The following HEATR4 variants were observed in gnomAD, a reference collection of about 807,000 sequenced individuals.
HEATR4 encodes the protein HEAT repeat-containing protein 4.
In HEATR4, 95 loss-of-function variants were observed where a neutral mutation model predicts 108.8. The observed-to-expected ratio is 0.87, with a 90% confidence interval of 0.74 to 1.04. HEATR4 has a LOEUF of 1.04. Among genes scored for constraint, HEATR4 ranks in the 50% least tolerant of loss-of-function variants. The pLI, the probability that HEATR4 is intolerant of heterozygous loss-of-function variation, is 0.00. For synonymous variants in HEATR4, 443 were observed against 459.4 expected (o/e 0.96, Z 0.46); for missense variants, 1,152 against 1,253.8 (o/e 0.92, Z 1.23).
the HEATR4 span, among the ~76,000 whole-genome samples, chr14:73,610,409 G>A: frequency 1.3e-5 from 2 of 150,422 alleles, no homozygotes; most frequent in Non-Finnish European, 3.0e-5. Flanking sequence ...TCCTGCCGCC[G>A]CCTTCTGAAT....
At chr14:73,570,123 T>TC in the HEATR4 span, among the ~76,000 whole-genome samples, 21,024 of 150,214 alleles carry the variant, frequency 0.14, 2,219 homozygotes, top group Non-Finnish European at 0.21. Flanking sequence ...TTTTTTTTTT[T>TC]CCGTCCCTGC....
intron 17 of HEATR4, chr14:73,491,508 C>G: frequency 6.6e-7 from 1 of 1,511,646 alleles, no homozygotes; most frequent in South Asian, 1.2e-5. Flanking sequence ...TCCGGGGCCC[C>G]TGCGACGGCG....
chr14:73,603,851 A>T, the HEATR4 span, among the ~76,000 whole-genome samples: 1 of 151,674 alleles, frequency 6.6e-6, no homozygotes, highest in Non-Finnish European at 1.5e-5. Context: ...CTTCTGCCTC[A>T]GTCTCCTGAG....
At chr14:73,506,620 T>C (rs771353866) in intron 9 of HEATR4, 49 bp from the exon 10 acceptor site, 5 of 1,376,516 alleles carry the variant, frequency 3.6e-6, no homozygotes, top group South Asian at 3.5e-5. Flanking sequence ...CTTTTAGAGA[T>C]ACTAGAACCT....
the HEATR4 span, chr14:73,569,878 C>T: frequency 5.0e-6 from 8 of 1,603,732 alleles, no homozygotes; most frequent in East Asian, 1.6e-4. Context: ...CTCTTCCTGC[C>T]GCCAGGTGAC....
upstream of HEATR4, among the ~76,000 whole-genome samples, chr14:73,561,259 A>T (rs892405535): frequency 1.3e-5 from 2 of 151,860 alleles, no homozygotes; most frequent in African/African-American, 4.8e-5. Context: ...CCAGCTACTC[A>T]GGAGACCGAG....
chr14:73,587,357 CTTTTT>C, the HEATR4 span, among the ~76,000 whole-genome samples: 28,612 of 147,516 alleles, frequency 0.19, 4,855 homozygotes, highest in African/African-American at 0.46. Flanking sequence ...GCAACATCCA[CTTTTT>C]TTTTTTTTGA....
the HEATR4 span, among the ~76,000 whole-genome samples, chr14:73,597,591 CTTTTTTTTT>C: frequency 8.1e-5 from 8 of 98,208 alleles, no homozygotes; most frequent in African/African-American, 2.6e-4. Flanking sequence ...TTTTTCTTTT[CTTTTTTTTT>C]TTTTTTTTTT....
intron 17 of HEATR4, chr14:73,491,758 G>A (rs1490927859): frequency 6.4e-7 from 1 of 1,563,516 alleles, no homozygotes; most frequent in African/African-American, 1.4e-5. Flanking sequence ...CCGCTGACCT[G>A]GATTCGATGC....
At chr14:73,589,583 C>T in the HEATR4 span, among the ~76,000 whole-genome samples, 2 of 152,128 alleles carry the variant, frequency 1.3e-5, no homozygotes, top group South Asian at 2.1e-4. Context: ...CCTCCCACAG[C>T]ACTGAGATTA....
At chr14:73,571,998 C>T in the HEATR4 span, among the ~76,000 whole-genome samples, 4 of 151,006 alleles carry the variant, frequency 2.6e-5, no homozygotes, top group Admixed American at 2.0e-4. Flanking sequence ...TCAGAAGTGG[C>T]CCACTTTTAG....
At chr14:73,615,771 G>C in the HEATR4 span, among the ~76,000 whole-genome samples, 1 of 149,186 alleles carries the variant, frequency 6.7e-6, no homozygotes, top group South Asian at 2.1e-4. Context: ...AAACAAACAG[G>C]CTGAGTGCAG....
intron 17 of HEATR4, among the ~76,000 whole-genome samples, chr14:73,482,919 C>T (rs1373276629): frequency 6.6e-6 from 1 of 152,152 alleles, no homozygotes; most frequent in African/African-American, 2.4e-5. Context: ...TCTCAGCCTC[C>T]CAAAGTGCTG....
chr14:73,629,582 A>G, the HEATR4 span, among the ~76,000 whole-genome samples: 5 of 152,172 alleles, frequency 3.3e-5, no homozygotes, highest in Non-Finnish European at 7.4e-5. Flanking sequence ...GAAGGGGACT[A>G]TAAGAAAGTT....
the HEATR4 span, among the ~76,000 whole-genome samples, chr14:73,614,026 C>CAAAAAAA: frequency 2.4e-4 from 22 of 92,952 alleles, 1 homozygote; most frequent in Non-Finnish European, 3.6e-4. Context: ...TCTGTCTCTA[C>CAAAAAAA]AAAAAAAAAA....
In HEATR4 at chr14:73,492,755, G is replaced by A; in HGVS notation, c.2844+311C>T. On this transcript the variant is annotated intron_variant, in intron 17 of 17. Coordinates refer to ENST00000553558, the MANE Select transcript of HEATR4 (RefSeq NM_001220484.1). This position sits in a 1 kb window ranked among gnomAD's most constrained non-coding sequence, Gnocchi z 4.9. ...GGAAAACTCCCGTGTGTATCATCTG[G>A]AAGAACCCAAGTGCTTGGAAATATA... is the stretch of plus-strand genomic sequence containing the variant. 1 of 1,613,964 alleles carries A rather than the reference G, an allele frequency of 6.2e-7. No individual in the cohort carries two copies. The highest frequency in any genetic ancestry group is 8.5e-7 in the Non-Finnish European group (1 of 1,179,886).
the HEATR4 span, among the ~76,000 whole-genome samples, chr14:73,628,753 C>T: frequency 7.9e-6 from 1 of 126,526 alleles, no homozygotes; most frequent in African/African-American, 3.0e-5. Context: ...AACTCCATCT[C>T]AAAAAAAAAA....
chr14:73,495,265 T>C lies in HEATR4; in HGVS notation c.2748A>G (p.Pro916=), dbSNP rs774449151. Residue 916 remains proline, a synonymous_variant, in exon 16 of 18, where the codon CCA becomes CCG. Transcript: ENST00000553558. ...VYLKPKGEQG[P]LTLQTLLQET... is the part of the protein sequence containing the mutation. ...CTTGGAGTAAAGTCTGGAGTGTTAGTGGTCCTTGTTCTCCTTTGGGTTTCA... is the reference window on the plus strand; with the variant it reads ...CTTGGAGTAAAGTCTGGAGTGTTAGCGGTCCTTGTTCTCCTTTGGGTTTCA... 1.2e-6 allele frequency: 2 copies of C among 1,614,086 alleles called. No homozygotes were observed. Among genetic ancestry groups the C allele is most frequent in the Non-Finnish European group, 8.5e-7 (1 of 1,180,004 alleles).
At chr14:73,586,648 G>A in the HEATR4 span, among the ~76,000 whole-genome samples, 223 of 151,054 alleles carry the variant, frequency 1.5e-3, 1 homozygote, top group Non-Finnish European at 1.7e-3. Flanking sequence ...GGAGGTTGCA[G>A]TGACCCAAGA....
Sources: gnomAD v4.1 joint callset for allele counts (sites outside exome capture counted in the v4.1 genomes callset) on GRCh38, gnomAD v4.1.1 for gene constraint, Gnocchi (gnomAD v3.1) non-coding constraint, MANE v1.5 for transcripts, NCBI Gene and HGNC (gene_info 2026-07-23, HGNC 2026-07-21) for gene names.